Variants in GLIS3 observed in about 807,000 individuals in gnomAD.
GLIS3 encodes the protein zinc finger protein GLIS3.
Under a neutral mutation model 78.6 loss-of-function variants are expected in GLIS3, and 53 were observed. That is an observed-to-expected ratio of 0.67 (90% CI 0.54 to 0.85). The LOEUF (loss-of-function observed/expected upper bound fraction) is 0.85. GLIS3 is among the 40% of genes least tolerant of loss of function. The pLI, the probability that GLIS3 is intolerant of heterozygous loss-of-function variation, is 0.00. For synonymous variants in GLIS3, 684 were observed against 509.9 expected, an observed-to-expected ratio of 1.34 and a Z score of -4.60; for missense variants, 1,703 against 1,231.1, an observed-to-expected ratio of 1.38 and a Z score of -5.74.
chr9:4,357,051 A>C, the GLIS3 span, among the ~76,000 whole-genome samples: 3 of 152,362 alleles, frequency 2.0e-5, no homozygotes, highest in South Asian at 6.2e-4. Flanking sequence ...TAGTGAGTTT[A>C]CTTATACAAA....
rs930661754 is a variant in GLIS3, at chr9:3,934,397, C to A, written c.1873-1927G>T. Among the ~76,000 whole-genome samples the A allele has an allele frequency of 4.6e-5, 7 of 150,714 alleles. No individual in the cohort carries two copies. The South Asian group carries it at 6.3e-4, about 13-fold the overall frequency. ...TCACTACAATTTAGGTTGGTAATGT[C>A]ATTTTCTATTTGATTTTTTTTTTTT... On this transcript the variant is annotated intron_variant, in intron 5 of 10. Transcript: ENST00000381971.
chr9:4,278,416 T>G (rs1180482990), intron 2 of GLIS3, among the ~76,000 whole-genome samples: 1 of 152,054 alleles, frequency 6.6e-6, no homozygotes, highest in Non-Finnish European at 1.5e-5. Context: ...AGCAAGGAAG[T>G]ACTTAATGGG....
chr9:4,478,296 G>A, the GLIS3 span, among the ~76,000 whole-genome samples: 1 of 152,110 alleles, frequency 6.6e-6, no homozygotes, highest in Non-Finnish European at 1.5e-5. Context: ...ATAAATCCAT[G>A]TGTTTGTACT....
chr9:4,296,594 T>G (rs1816527479), intron 1 of GLIS3, among the ~76,000 whole-genome samples: 1 of 152,058 alleles, frequency 6.6e-6, no homozygotes, highest in African/African-American at 2.4e-5. Context: ...GGAACTTCAG[T>G]GGAATCAGGG....
intron 4 of GLIS3, among the ~76,000 whole-genome samples, chr9:4,041,868 G>A (rs962419769): frequency 6.6e-6 from 1 of 152,262 alleles, no homozygotes; most frequent in South Asian, 2.1e-4. Flanking sequence ...GACAGTCTTA[G>A]TGATTATGCT....
intron 2 of GLIS3, among the ~76,000 whole-genome samples, chr9:4,236,567 C>T (rs1822772221): frequency 6.6e-6 from 1 of 151,996 alleles, no homozygotes; most frequent in African/African-American, 2.4e-5. Flanking sequence ...TTAAGAAAAC[C>T]TGGGTGGAAA....
At chr9:4,322,915 A>C (rs918180983) in intron 2 of GLIS3, among the ~76,000 whole-genome samples, 15 of 152,118 alleles carry the variant, frequency 9.9e-5, no homozygotes, top group African/African-American at 3.6e-4. Flanking sequence ...CTTTAGTTTA[A>C]TGAGATCCCA....
chr9:4,425,262 G>A, the GLIS3 span, among the ~76,000 whole-genome samples: 1 of 152,208 alleles, frequency 6.6e-6, no homozygotes, highest in East Asian at 1.9e-4. Context: ...GTCACATGCA[G>A]AGAGTCTTAA....
intron 2 of GLIS3, among the ~76,000 whole-genome samples, chr9:4,167,504 G>C (rs1023087690): frequency 6.6e-6 from 1 of 152,176 alleles, no homozygotes. Context: ...CTTGAAGAGA[G>C]GACAGTGTCT....
chr9:4,280,986 G>C (rs187036318), intron 2 of GLIS3, among the ~76,000 whole-genome samples: 64 of 152,170 alleles, frequency 4.2e-4, no homozygotes, highest in African/African-American at 1.4e-3. Context: ...ATTTTTTCTT[G>C]GTTCCCCTAG....
rs1263477724 is a variant in GLIS3 at position 4,299,971 on chromosome 9, G to A, written c.-649C>T. On this transcript the variant is annotated 5_prime_UTR_variant, in exon 1 of 11. Coordinates refer to ENST00000381971, the MANE Select transcript of GLIS3 (RefSeq NM_001042413.2). ...CGGTGCCCGTGCGCGCCGCGCTCTG[G>A]GCTGCCCGGGCGGCGCAGTGTGGAC... The A allele has an allele frequency of 6.6e-6, 1 of 152,196 alleles. No individual in the cohort carries two copies. The highest frequency in any genetic ancestry group is 1.5e-5 in the Non-Finnish European group (1 of 68,130). The allele number at this position is 152,196 out of a possible 1,614,324, so 9.4% of individuals were successfully genotyped here. A position where few individuals can be genotyped will look rare whatever the true frequency, so the allele number is the denominator to read the frequency against.
chr9:4,019,908 T>A lies in GLIS3; in HGVS notation c.1711-82719A>T, dbSNP rs182189119. On this transcript the variant is annotated intron_variant, in intron 4 of 10. Coordinates refer to ENST00000381971, the MANE Select transcript of GLIS3 (RefSeq NM_001042413.2). Reference sequence around the variant, plus strand: ...CTACAGGTGCATGCCACTTAAAAAATTAGCATCTGGCTAACATATAAATTT... The same window carrying A: ...CTACAGGTGCATGCCACTTAAAAAAATAGCATCTGGCTAACATATAAATTT... Among the ~76,000 whole-genome samples, 47 of 151,916 alleles carry A rather than the reference T, an allele frequency of 3.1e-4. No homozygotes were observed. The East Asian group carries it at 8.3e-3, about 27-fold the overall frequency.
intron 4 of GLIS3, among the ~76,000 whole-genome samples, chr9:4,004,679 G>A (rs564652905): frequency 6.6e-6 from 1 of 152,286 alleles, no homozygotes; most frequent in African/African-American, 2.4e-5. Context: ...TGGAAATGGG[G>A]GTACTGCTTA....
intron 6 of GLIS3, among the ~76,000 whole-genome samples, chr9:3,909,498 G>T (rs1315363862): frequency 6.6e-6 from 1 of 152,180 alleles, no homozygotes; most frequent in Non-Finnish European, 1.5e-5. Context: ...ATCTCTTTGG[G>T]AACAGAAGTG....
the GLIS3 span, among the ~76,000 whole-genome samples, chr9:4,397,170 T>C: frequency 4.4e-3 from 584 of 131,914 alleles, 45 homozygotes; most frequent in African/African-American, 1.0e-2. Flanking sequence ...GGACTACAGG[T>C]GCCCGCCACT....
intron 2 of GLIS3, among the ~76,000 whole-genome samples, chr9:4,141,489 G>T (rs1833811605): frequency 6.6e-6 from 1 of 152,172 alleles, no homozygotes; most frequent in African/African-American, 2.4e-5. Flanking sequence ...ACACAGAAAA[G>T]CTCCTGGAAT....
intron 7 of GLIS3, among the ~76,000 whole-genome samples, chr9:3,892,944 AATT>A (rs1353046428): frequency 6.8e-6 from 1 of 148,126 alleles, no homozygotes; most frequent in African/African-American, 2.7e-5. Flanking sequence ...TCACTGGTGA[AATT>A]ATACACATCT....
At chr9:4,094,596 T>C (rs1829792733) in intron 4 of GLIS3, among the ~76,000 whole-genome samples, 1 of 152,196 alleles carries the variant, frequency 6.6e-6, no homozygotes, top group Admixed American at 6.5e-5. Flanking sequence ...AATAACTGAA[T>C]GAAAGTCATA....
intron 4 of GLIS3, among the ~76,000 whole-genome samples, chr9:4,031,152 C>T (rs1328128895): frequency 1.3e-5 from 2 of 152,086 alleles, no homozygotes; most frequent in Non-Finnish European, 2.9e-5. Flanking sequence ...AGATGTTATA[C>T]CCAAAAGAAT....
Sources: allele counts gnomAD v4.1 joint callset (sites outside exome capture counted in the v4.1 genomes callset), GRCh38; gene constraint gnomAD v4.1.1; transcripts MANE v1.5; gene names NCBI Gene and HGNC (gene_info 2026-07-23, HGNC 2026-07-21).